TENM2: variants seen among roughly 807,000 people sequenced by gnomAD.
TENM2 encodes the protein teneurin-2.
A neutral mutation model predicts 245.2 loss-of-function variants in TENM2; 52 were observed. That is an observed-to-expected ratio of 0.21 (90% CI 0.17 to 0.27). TENM2 has a LOEUF of 0.27. TENM2 is among the 10% of genes least tolerant of loss of function. The probability of loss-of-function intolerance (pLI) is 1.00; values close to 1 mark genes in which losing one functional copy is unlikely to be tolerated. For missense variants in TENM2, 3,046 were observed against 3,666.8 expected (o/e 0.83, Z 4.37); for synonymous variants, 1,363 against 1,438.9 (o/e 0.95, Z 1.19).
rs901269955 is a variant in TENM2, at chr5:167,399,306, C to T, written c.502+23833C>T. Among the ~76,000 whole-genome samples, 3 of 152,088 alleles carry T rather than the reference C, an allele frequency of 2.0e-5. No homozygotes were observed. In the South Asian group the frequency reaches 6.2e-4, roughly 32 times the overall value. Reference sequence around the variant, plus strand: ...AAAGGGATCAAAGCCAATAATAAGCCAGGATGAGCAGAGCGAGGAGCGAGC... The same window carrying T: ...AAAGGGATCAAAGCCAATAATAAGCTAGGATGAGCAGAGCGAGGAGCGAGC... On this transcript the variant is annotated intron_variant, in intron 2 of 28. Transcript: ENST00000518659.
chr5:167,393,121 C>CG (rs939459172), intron 2 of TENM2, among the ~76,000 whole-genome samples: 6 of 142,540 alleles, frequency 4.2e-5, no homozygotes, highest in Non-Finnish European at 7.5e-5. Flanking sequence ...GACTCCATCT[C>CG]GGGGGAAAAA....
intron 2 of TENM2, among the ~76,000 whole-genome samples, chr5:167,736,612 T>A (rs1760816788): frequency 6.8e-6 from 1 of 147,150 alleles, no homozygotes; most frequent in African/African-American, 2.5e-5. Flanking sequence ...TATGAAACCT[T>A]AAAAACTCGA....
At chr5:167,047,210 G>A in the TENM2 span, among the ~76,000 whole-genome samples, 1 of 152,028 alleles carries the variant, frequency 6.6e-6, no homozygotes, top group Non-Finnish European at 1.5e-5. Context: ...AAGTAATACT[G>A]AAAAATCACA....
chr5:167,711,488 CT>C (rs1399414078), intron 2 of TENM2, among the ~76,000 whole-genome samples: 1 of 152,200 alleles, frequency 6.6e-6, no homozygotes, highest in Non-Finnish European at 1.5e-5. Context: ...GCCTGGACCC[CT>C]GGGCCAATAT....
intron 2 of TENM2, among the ~76,000 whole-genome samples, chr5:167,430,166 G>A (rs1764130416): frequency 6.6e-6 from 1 of 151,972 alleles, no homozygotes; most frequent in Admixed American, 6.6e-5. Flanking sequence ...TGTCTGGAAG[G>A]GAATAATGTG....
At position 167,769,360 on chromosome 5, in the gene TENM2, G is replaced by A. The variant is rs1432153290; in HGVS notation, c.503-106626G>A. 2.0e-5 allele frequency among the ~76,000 whole-genome samples: 3 copies of A among 152,258 alleles called. No homozygotes were observed. The South Asian group carries it at 6.2e-4, about 32-fold the overall frequency. On this transcript the variant is annotated intron_variant, in intron 2 of 28. Transcript: ENST00000518659. ...TCATTTTATTTTTTATTGAATGTATGTAGTTACATTTTGGTCACCATGATA... is the reference window on the plus strand; with the variant it reads ...TCATTTTATTTTTTATTGAATGTATATAGTTACATTTTGGTCACCATGATA...
chr5:168,029,098 G>A (rs1289541678), intron 5 of TENM2, among the ~76,000 whole-genome samples: 1 of 152,142 alleles, frequency 6.6e-6, no homozygotes, highest in African/African-American at 2.4e-5. Flanking sequence ...ATTCAGTGAG[G>A]GCTCGATTTC....
intron 5 of TENM2, among the ~76,000 whole-genome samples, chr5:168,034,677 G>A (rs1256378300): frequency 6.6e-6 from 1 of 152,124 alleles, no homozygotes; most frequent in Non-Finnish European, 1.5e-5. Context: ...AGGCTAAGGT[G>A]GGAGGATCAC....
intron 2 of TENM2, among the ~76,000 whole-genome samples, chr5:167,742,496 G>T (rs779256009): frequency 1.8e-4 from 27 of 152,122 alleles, no homozygotes; most frequent in Non-Finnish European, 3.5e-4. Context: ...ATATGTCCAT[G>T]TGGTTAGTAT....
At chr5:167,265,558 G>C in the TENM2 span, among the ~76,000 whole-genome samples, 1 of 152,000 alleles carries the variant, frequency 6.6e-6, no homozygotes, top group Non-Finnish European at 1.5e-5. Context: ...TTTATTCTGA[G>C]GGCATGGGGA....
the TENM2 span, among the ~76,000 whole-genome samples, chr5:167,247,513 G>A: frequency 6.6e-6 from 1 of 151,794 alleles, no homozygotes; most frequent in African/African-American, 2.4e-5. Flanking sequence ...ATTTGTGTTG[G>A]AGGAAAAAAA....
chr5:167,488,365 C>T (rs1366483354), intron 2 of TENM2, among the ~76,000 whole-genome samples: 2 of 152,088 alleles, frequency 1.3e-5, no homozygotes, highest in Non-Finnish European at 2.9e-5. Context: ...TCCACCATTC[C>T]ACCAAAAAGA....
chr5:167,353,892 A>C (rs1035952563), intron 1 of TENM2, among the ~76,000 whole-genome samples: 4 of 152,202 alleles, frequency 2.6e-5, no homozygotes, highest in Non-Finnish European at 5.9e-5. Context: ...AAGATGTTGA[A>C]ACCAAATGAA....
chr5:167,469,592 T>G (rs1339674571), intron 2 of TENM2, among the ~76,000 whole-genome samples: 1 of 152,156 alleles, frequency 6.6e-6, no homozygotes, highest in Non-Finnish European at 1.5e-5. Context: ...ATAATGCAAG[T>G]GTTTGGTTTA....
chr5:168,000,539 A>C (rs1193208039), intron 5 of TENM2, among the ~76,000 whole-genome samples: 1 of 152,208 alleles, frequency 6.6e-6, no homozygotes, highest in Non-Finnish European at 1.5e-5. Flanking sequence ...CTTTGTAAAC[A>C]TGCCTCAAGC....
rs56282759 is a variant in TENM2, at chr5:167,706,385, G to A, written c.503-169601G>A. 4.0e-3 allele frequency among the ~76,000 whole-genome samples: 594 copies of A among 148,106 alleles called. 4 individuals carry two copies. The highest frequency in any genetic ancestry group is 0.014 in the African/African-American group (566 of 40,558). On this transcript the variant is annotated intron_variant, in intron 2 of 28. Coordinates refer to ENST00000518659, the Ensembl canonical transcript of TENM2. ...TGTGATACAGTATATATAAGAAAAT[G>A]TGATACTATATATATATATATAAGA...
At chr5:166,979,131 C>T in the TENM2 span, among the ~76,000 whole-genome samples, 1 of 149,898 alleles carries the variant, frequency 6.7e-6, no homozygotes, top group Non-Finnish European at 1.5e-5. Context: ...GGCTCGCAGG[C>T]TCAGGTCGTG....
chr5:167,571,541 ATCCAC>A (rs1419978662), intron 2 of TENM2, among the ~76,000 whole-genome samples: 1 of 152,054 alleles, frequency 6.6e-6, no homozygotes, highest in African/African-American at 2.4e-5. Flanking sequence ...AATCACACAT[ATCCAC>A]TCCACTACAA....
intron 25 of TENM2, among the ~76,000 whole-genome samples, chr5:168,237,090 A>ACTGCAACCTC (rs2152662493): frequency 7.8e-6 from 1 of 127,746 alleles, no homozygotes; most frequent in East Asian, 2.5e-4. Context: ...ATCTCGGATC[A>ACTGCAACCTC]CTGCAACCTC....
Sources: allele counts gnomAD v4.1 joint callset (sites outside exome capture counted in the v4.1 genomes callset), GRCh38; gene constraint gnomAD v4.1.1; transcripts MANE v1.5; gene names NCBI Gene and HGNC (gene_info 2026-07-23, HGNC 2026-07-21).